The following TBX15 variants were observed in gnomAD, a reference collection of about 807,000 sequenced individuals.
TBX15 encodes T-box transcription factor 15, also known as T-box transcription factor TBX15.
TBX15 carries 18 observed loss-of-function variants against 53.9 expected under a neutral mutation model. The ratio of observed to expected loss-of-function variants is 0.33; its 90% CI spans 0.23 to 0.49. The LOEUF (loss-of-function observed/expected upper bound fraction) is 0.49. TBX15 is among the 20% of genes least tolerant of loss of function. The probability of loss-of-function intolerance (pLI) is 0.98; values close to 1 mark genes in which losing one functional copy is unlikely to be tolerated. For missense variants in TBX15, 692 were observed against 749.5 expected (o/e 0.92, Z 0.90); for synonymous variants, 295 against 278.0 (o/e 1.06, Z -0.61).
chr1:118,977,973 T>C (rs1050416900), intron 1 of TBX15, among the ~76,000 whole-genome samples: 6 of 152,242 alleles, frequency 3.9e-5, no homozygotes, highest in African/African-American at 1.4e-4. Flanking sequence ...AAGTTGCTTT[T>C]TTCAACCCTC....
intron 1 of TBX15, among the ~76,000 whole-genome samples, chr1:118,971,522 G>A (rs1657236343): frequency 1.3e-5 from 2 of 152,108 alleles, no homozygotes; most frequent in African/African-American, 4.8e-5. Flanking sequence ...TGCTCTCCAG[G>A]GTTTTGCAGT....
intron 1 of TBX15, among the ~76,000 whole-genome samples, chr1:118,938,635 CT>C (rs1656042936): frequency 6.6e-6 from 1 of 152,200 alleles, no homozygotes; most frequent in African/African-American, 2.4e-5. Context: ...TAAGTATTCC[CT>C]TTTCTCCACA....
chr1:118,927,209 G>A (rs978443912), intron 2 of TBX15, among the ~76,000 whole-genome samples: 3 of 152,040 alleles, frequency 2.0e-5, no homozygotes, highest in Middle Eastern at 3.4e-3. Flanking sequence ...CTCTCCAAGG[G>A]TTCAACCCTG....
At chr1:118,944,295 G>A (rs1030038217) in intron 1 of TBX15, among the ~76,000 whole-genome samples, 36 of 152,154 alleles carry the variant, frequency 2.4e-4, no homozygotes, top group South Asian at 8.3e-4. Context: ...GGAGGGTGGG[G>A]TGAGGTAAGG....
chr1:118,886,260 G>T (rs572654893), intron 7 of TBX15, among the ~76,000 whole-genome samples: 16 of 152,252 alleles, frequency 1.1e-4, no homozygotes, highest in Non-Finnish European at 2.1e-4. Context: ...TCAGAGACTG[G>T]AATAAAGACT....
chr1:118,931,600 C>T lies in TBX15; in HGVS notation c.419+19G>A, dbSNP rs1258141803. 3 of 1,613,498 alleles carry T rather than the reference C, an allele frequency of 1.9e-6. No homozygotes were observed. The highest frequency in any genetic ancestry group is 2.5e-6 in the Non-Finnish European group (3 of 1,179,668). On this transcript the variant is annotated intron_variant, in intron 2 of 7. Coordinates refer to ENST00000369429, the MANE Select transcript of TBX15 (RefSeq NM_001330677.2). ...TGCAAATTCTTTGAATCTGGCCACTCAAAGGAATTTGTCCTTACCTGCCTG... is the reference window on the plus strand; with the variant it reads ...TGCAAATTCTTTGAATCTGGCCACTTAAAGGAATTTGTCCTTACCTGCCTG...
intron 1 of TBX15, among the ~76,000 whole-genome samples, chr1:118,958,493 G>T (rs1187750323): frequency 6.6e-6 from 1 of 152,122 alleles, no homozygotes; most frequent in Non-Finnish European, 1.5e-5. Context: ...CCAATATTTT[G>T]ATGTTTAGTT....
intron 1 of TBX15, among the ~76,000 whole-genome samples, chr1:118,938,278 A>G (rs992664086): frequency 2.6e-5 from 4 of 152,144 alleles, no homozygotes; most frequent in Non-Finnish European, 5.9e-5. Context: ...TCTATTTGGG[A>G]AAAGGGAGTA....
At chr1:118,912,703 G>A (rs1465596983) in intron 6 of TBX15, among the ~76,000 whole-genome samples, 2 of 152,198 alleles carry the variant, frequency 1.3e-5, no homozygotes, top group Non-Finnish European at 2.9e-5. Context: ...GGAAGGAAGA[G>A]GATGGGCCAT....
rs558680543 is a variant in TBX15 at position 118,903,993 on chromosome 1, C to T, written c.927-4868G>A. 3.3e-5 allele frequency among the ~76,000 whole-genome samples: 5 copies of T among 152,226 alleles called. No individual in the cohort carries two copies. The South Asian group carries it at 1.0e-3, about 32-fold the overall frequency. On this transcript the variant is annotated intron_variant, in intron 6 of 7. Transcript: ENST00000369429. ...TAAAGAGTAATCAGCAGTTTTCCAT[C>T]CAGAAAAGAGTCAGTAAAAGTTTTT...
chr1:118,906,529 G>T (rs536153111), intron 6 of TBX15, among the ~76,000 whole-genome samples: 5 of 152,120 alleles, frequency 3.3e-5, no homozygotes, highest in African/African-American at 4.8e-5. Flanking sequence ...AACAGGGGAC[G>T]CCTATTTGTG....
intron 1 of TBX15, among the ~76,000 whole-genome samples, chr1:118,939,027 G>A (rs1656057295): frequency 1.3e-5 from 2 of 152,040 alleles, no homozygotes; most frequent in Admixed American, 6.6e-5. Flanking sequence ...ATATACCATG[G>A]CATACTATGC....
chr1:118,943,873 CTT>C (rs1318385930), intron 1 of TBX15, among the ~76,000 whole-genome samples: 1 of 152,144 alleles, frequency 6.6e-6, no homozygotes, highest in East Asian at 1.9e-4. Flanking sequence ...TATTTTGAGA[CTT>C]ATACAAGGGA....
intron 2 of TBX15, among the ~76,000 whole-genome samples, chr1:118,929,410 C>G (rs1655708708): frequency 1.3e-5 from 2 of 151,998 alleles, no homozygotes; most frequent in African/African-American, 4.8e-5. Flanking sequence ...AGAAATTAAC[C>G]AGGAGAATGA....
intron 4 of TBX15, 128 bp downstream of exon 4, chr1:118,924,518 T>G (rs1006802396): frequency 5.6e-6 from 6 of 1,077,768 alleles, no homozygotes; most frequent in Middle Eastern, 2.6e-4. Context: ...TATGCTTACT[T>G]ACTTAAAATT....
Position 118,977,515 on chromosome 1 carries a change from G to A in TBX15, c.205+10076C>T, listed in dbSNP as rs560559614. 3.3e-5 allele frequency among the ~76,000 whole-genome samples: 5 copies of A among 152,220 alleles called. No individual in the cohort carries two copies. In the South Asian group the frequency reaches 1.0e-3, roughly 32 times the overall value. On this transcript the variant is annotated intron_variant, in intron 1 of 7. Coordinates refer to ENST00000369429, the MANE Select transcript of TBX15 (RefSeq NM_001330677.2). ...AGTTTATAGGGTAGTAGCGACAGAGGACAACTAGTAAATCCACAGGTTCCA... is the reference window on the plus strand; with the variant it reads ...AGTTTATAGGGTAGTAGCGACAGAGAACAACTAGTAAATCCACAGGTTCCA...
chr1:118,961,441 C>A (rs1016841465), intron 1 of TBX15, among the ~76,000 whole-genome samples: 8 of 152,274 alleles, frequency 5.3e-5, no homozygotes, highest in African/African-American at 1.9e-4. Flanking sequence ...AGGCAGCCAT[C>A]TTCCTTGGGG....
chr1:118,893,356 G>GAAAGAAA (rs1654238452), intron 7 of TBX15, among the ~76,000 whole-genome samples: 3 of 51,056 alleles, frequency 5.9e-5, no homozygotes, highest in East Asian at 4.9e-4. Context: ...AAGGAAGGAA[G>GAAAGAAA]GAAAGAAAGA....
At chr1:118,908,724 C>T (rs1654923829) in intron 6 of TBX15, among the ~76,000 whole-genome samples, 1 of 152,038 alleles carries the variant, frequency 6.6e-6, no homozygotes, top group Admixed American at 6.6e-5. Flanking sequence ...ACGACGTGAA[C>T]ACACACGTAC....
Sources: gnomAD v4.1 joint callset for allele counts (sites outside exome capture counted in the v4.1 genomes callset) on GRCh38, gnomAD v4.1.1 for gene constraint, MANE v1.5 for transcripts, NCBI Gene and HGNC (gene_info 2026-07-23, HGNC 2026-07-21) for gene names.